The following MMP2 variants were observed in gnomAD, a reference collection of about 807,000 sequenced individuals.
MMP2 encodes the protein matrix metallopeptidase 2.
MMP2 carries 39 observed loss-of-function variants against 74.8 expected under a neutral mutation model. That is an observed-to-expected ratio of 0.52 (90% CI 0.40 to 0.68). The LOEUF is 0.68. Among genes scored for constraint, MMP2 ranks in the 30% least tolerant of loss-of-function variants. The pLI is 0.00. For synonymous variants in MMP2, 367 were observed against 339.8 expected, an observed-to-expected ratio of 1.08 and a Z score of -0.88; for missense variants, 803 against 878.3, an observed-to-expected ratio of 0.91 and a Z score of 1.08.
At chr16:55,494,945 TG>T (rs1962497183) in intron 9 of MMP2, among the ~76,000 whole-genome samples, 1 of 152,232 alleles carries the variant, frequency 6.6e-6, no homozygotes, top group South Asian at 2.1e-4. Context: ...CATAGTGATG[TG>T]AAAGTTTCTG....
intron 5 of MMP2, 83 bp downstream of exon 5, chr16:55,485,860 C>T: frequency 7.0e-7 from 1 of 1,427,986 alleles, no homozygotes; most frequent in Non-Finnish European, 9.8e-7. Flanking sequence ...TCCCTCCACA[C>T]TCTCCAGGAC....
rs766277938 is a variant in MMP2, at chr16:55,489,811, C to T, written c.1167C>T (p.Phe389=). Residue 389 remains phenylalanine (F), a synonymous_variant, in exon 7 of 13, where the codon TTC becomes TTT. Transcript: ENST00000219070. ...ACGATGATGACCGCAAGTGGGGCTT[C>T]TGCCCTGACCAAGGTACGAGGCCCT... ...ANYDDDRKWG[F]CPDQGYSLFL... 1 of 1,614,066 alleles carries T rather than the reference C, an allele frequency of 6.2e-7. No homozygotes were observed. The highest frequency in any genetic ancestry group is 1.1e-5 in the South Asian group (1 of 91,082).
At chr16:55,497,717 G>A (rs147041143) in intron 10 of MMP2, among the ~76,000 whole-genome samples, 206 of 152,294 alleles carry the variant, frequency 1.4e-3, no homozygotes, top group African/African-American at 4.8e-3. Context: ...ACATTTATTG[G>A]AGCATTTCCA....
intron 1 of MMP2, 47 bp from the exon 2 acceptor site, chr16:55,482,862 G>A (rs369389746): frequency 1.2e-5 from 19 of 1,524,294 alleles, no homozygotes; most frequent in Non-Finnish European, 1.5e-5. Flanking sequence ...TCAGTACTGT[G>A]CCATCCTAAT....
rs1212956080 is a variant in MMP2, at chr16:55,485,671, G to A, written c.726G>A (p.Lys242=). ...AGTTCCCCTTCTTGTTCAATGGCAAGGAGTACAACAGCTGCACTGATACCG... is the reference window on the plus strand; with the variant it reads ...AGTTCCCCTTCTTGTTCAATGGCAAAGAGTACAACAGCTGCACTGATACCG... ...YCKFPFLFNG[K]EYNSCTDTGR... Residue 242 remains lysine (K), a synonymous_variant, in exon 5 of 13, where the codon AAG becomes AAA. Coordinates refer to ENST00000219070, the MANE Select transcript of MMP2 (RefSeq NM_004530.6). 1.9e-6 allele frequency: 3 copies of A among 1,614,154 alleles called. No homozygotes were observed. In the East Asian group the frequency reaches 6.7e-5, roughly 36 times the overall value.
intron 8 of MMP2, 54 bp from the exon 9 acceptor site, chr16:55,493,104 A>C: frequency 3.7e-6 from 6 of 1,609,436 alleles, no homozygotes; most frequent in Non-Finnish European, 5.1e-6. Flanking sequence ...GGCTCACCCT[A>C]GTGGGGAGAA....
chr16:55,489,665 G>A lies in MMP2; in HGVS notation c.1021G>A (p.Gly341Ser). Residue 341 changes from glycine (G) to serine (S), a missense_variant, in exon 7 of 13, where the codon GGT becomes AGT. Transcript: ENST00000219070. Reference protein sequence around the residue: ...FCPETAMSTVGGNSEGAPCVF... With the variant: ...FCPETAMSTVSGNSEGAPCVF... Reference sequence around the variant, plus strand: ...TAACCCCACAGCCATGTCCACTGTTGGTGGGAACTCAGAAGGTGCCCCCTG... The same window carrying A: ...TAACCCCACAGCCATGTCCACTGTTAGTGGGAACTCAGAAGGTGCCCCCTG... 1.9e-6 allele frequency: 3 copies of A among 1,614,134 alleles called. No homozygotes were observed. The highest frequency in any genetic ancestry group is 1.7e-6 in the Non-Finnish European group (2 of 1,180,024).
intron 12 of MMP2, 32 bp from the exon 13 acceptor site, chr16:55,505,307 G>T: frequency 6.4e-7 from 1 of 1,561,878 alleles, no homozygotes; most frequent in South Asian, 1.1e-5. Context: ...GTCAGGATAA[G>T]GGGGTCACGG....
At position 55,493,207 on chromosome 16, in the gene MMP2, C is replaced by T; in HGVS notation, c.1386C>T (p.Gly462=). Residue 462 remains glycine, a synonymous_variant, in exon 9 of 13, where the codon GGC becomes GGT. Transcript: ENST00000219070. ...GCACCGGCCCCACCCCCACGCTGGG[C>T]CCTGTCACTCCTGAGATCTGCAAAC... ...DLGTGPTPTL[G]PVTPEICKQD... is the part of the protein sequence containing the mutation. The T allele has an allele frequency of 6.2e-7, 1 of 1,614,104 alleles. No individual in the cohort carries two copies. Among genetic ancestry groups the T allele is most frequent in the Non-Finnish European group, 8.5e-7 (1 of 1,180,010 alleles).
intron 10 of MMP2, among the ~76,000 whole-genome samples, chr16:55,497,806 C>G (rs564437662): frequency 9.2e-5 from 14 of 152,268 alleles, no homozygotes; most frequent in African/African-American, 3.4e-4. Flanking sequence ...AGACAGACAG[C>G]TGGGCTCTTA....
chr16:55,502,971 T>C (rs2142374206), intron 12 of MMP2, 83 bp downstream of exon 12: 1 of 1,108,892 alleles, frequency 9.0e-7, no homozygotes, highest in Non-Finnish European at 1.4e-6. Context: ...CACACTTCTT[T>C]ATTGTGCAGG....
At chr16:55,500,448 A>T (rs983878938) in intron 11 of MMP2, among the ~76,000 whole-genome samples, 2 of 150,336 alleles carry the variant, frequency 1.3e-5, no homozygotes, top group South Asian at 2.1e-4. Flanking sequence ...GCAAAAACAG[A>T]CCTGTTCCTA....
intron 12 of MMP2, among the ~76,000 whole-genome samples, chr16:55,504,801 T>C (rs1159791700): frequency 1.3e-5 from 2 of 151,758 alleles, no homozygotes; most frequent in African/African-American, 2.4e-5. Context: ...TACAGGCGCC[T>C]ACCACCACGC....
chr16:55,488,515 C>T lies in MMP2; in HGVS notation c.833-28C>T, dbSNP rs370659180. On this transcript the variant is annotated intron_variant, in intron 5 of 12. Transcript: ENST00000219070. The stretch of plus-strand genomic sequence containing the variant: ...TGCCCATGGAAGCATGTCTCATTCA[C>T]ATCCTTCCCTCTCTCCCCCACCCTT... 81 of 1,610,050 alleles carry T rather than the reference C, an allele frequency of 5.0e-5. No homozygotes were observed. In the Admixed American group the frequency reaches 6.4e-4, roughly 13 times the overall value.
intron 12 of MMP2, among the ~76,000 whole-genome samples, chr16:55,504,822 T>G (rs570604421): frequency 6.6e-6 from 1 of 151,954 alleles, no homozygotes; most frequent in East Asian, 2.0e-4. Context: ...CCGGCTAATT[T>G]TTTGTATTTT....
intron 7 of MMP2, 115 bp from the exon 8 acceptor site, chr16:55,491,686 T>G: frequency 8.4e-7 from 1 of 1,192,998 alleles, no homozygotes; most frequent in South Asian, 1.2e-5. Context: ...GCTTCCAGGG[T>G]TCTCAGCCTT....
At chr16:55,481,814 A>C (rs2142342578) in intron 1 of MMP2, 1 of 743,260 alleles carries the variant, frequency 1.3e-6, no homozygotes, top group African/African-American at 1.7e-5. Flanking sequence ...CTTCATCTGC[A>C]AACTGGGAAA....
chr16:55,480,317 T>C lies in MMP2; in HGVS notation c.153+685T>C, dbSNP rs148746813. On this transcript the variant is annotated intron_variant, in intron 1 of 12. Coordinates refer to ENST00000219070, the MANE Select transcript of MMP2 (RefSeq NM_004530.6). Reference sequence around the variant, plus strand: ...GCGCATCTTTTTTCTCCTGGCTTAATGGACAAATTGGTCAAGGGCTGGGCC... The same window carrying C: ...GCGCATCTTTTTTCTCCTGGCTTAACGGACAAATTGGTCAAGGGCTGGGCC... Among the ~76,000 whole-genome samples, 992 of 152,274 alleles carry C rather than the reference T, an allele frequency of 6.5e-3. 12 individuals carry two copies. Among genetic ancestry groups the C allele is most frequent in the African/African-American group, 0.023 (949 of 41,554 alleles).
chr16:55,483,902 C>A, intron 2 of MMP2, 114 bp from the exon 3 acceptor site: 1 of 1,100,384 alleles, frequency 9.1e-7, no homozygotes, highest in Non-Finnish European at 1.4e-6. Flanking sequence ...CTTGTATGTT[C>A]ACATACACAC....
Sources: allele counts gnomAD v4.1 joint callset (sites outside exome capture counted in the v4.1 genomes callset), GRCh38; gene constraint gnomAD v4.1.1; transcripts MANE v1.5; gene names NCBI Gene and HGNC (gene_info 2026-07-23, HGNC 2026-07-21).